UBQLN4: variants seen among roughly 807,000 people sequenced by gnomAD.
UBQLN4 encodes ubiquilin-4.
A neutral mutation model predicts 60.4 loss-of-function variants in UBQLN4; 11 were observed. The ratio of observed to expected loss-of-function variants is 0.18; its 90% CI spans 0.11 to 0.30. The LOEUF (loss-of-function observed/expected upper bound fraction) is 0.30, where lower values mean the gene tolerates loss of function less well. Among genes scored for constraint, UBQLN4 ranks in the 10% least tolerant of loss-of-function variants. The pLI is 1.00. For synonymous variants in UBQLN4, 258 were observed against 313.1 expected (o/e 0.82, Z 1.86); for missense variants, 417 against 795.5 (o/e 0.52, Z 5.72).
downstream of UBQLN4, among the ~76,000 whole-genome samples, chr1:156,032,736 C>T (rs1387164446): frequency 6.6e-6 from 1 of 152,134 alleles, no homozygotes; most frequent in Non-Finnish European, 1.5e-5. Context: ...GGCACTTCGC[C>T]TCTCCGCCAA....
chr1:156,032,383 C>T (rs995954872), downstream of UBQLN4, among the ~76,000 whole-genome samples: 3 of 151,184 alleles, frequency 2.0e-5, no homozygotes, highest in Non-Finnish European at 4.4e-5. Context: ...CGATGGCTCA[C>T]GCCTGTAATC....
rs759691191 is a variant in UBQLN4, at chr1:156,051,673, C to A, written c.260+33G>T. On this transcript the variant is annotated intron_variant, in intron 2 of 10. Transcript: ENST00000368309. The stretch of plus-strand genomic sequence containing the variant: ...AAAGTATCAGATGGGGAGGCCCAAT[C>A]AGAAGCTGGATCTGCTCTGCTCCTG... The A allele has an allele frequency of 9.1e-5, 147 of 1,610,598 alleles. 1 individual carries two copies. The Middle Eastern group carries it at 1.7e-3, about 19-fold the overall frequency.
chr1:156,041,789 G>A (rs1683573955), intron 9 of UBQLN4, 83 bp downstream of exon 9: 1 of 1,472,926 alleles, frequency 6.8e-7, no homozygotes, highest in Non-Finnish European at 9.1e-7. Context: ...GAGACACAAA[G>A]GATGCTGAGA....
chr1:156,053,496 C>G (rs914176113), intron 1 of UBQLN4, 98 bp downstream of exon 1: 93 of 955,038 alleles, frequency 9.7e-5, no homozygotes, highest in Non-Finnish European at 1.2e-4. Context: ...CCGCCCTCCT[C>G]TCCGGGGCCC....
Position 156,035,609 on chromosome 1 carries a change from G to A in UBQLN4, c.*1369C>T, listed in dbSNP as rs1006503490. The stretch of plus-strand genomic sequence containing the variant: ...CTCAAAGAAAACTTTCTGGCCTGGA[G>A]GGAAATAGTTAAGAACTGAAAGGCC... On this transcript the variant is annotated 3_prime_UTR_variant, in exon 11 of 11. Coordinates refer to ENST00000368309, the MANE Select transcript of UBQLN4 (RefSeq NM_020131.5). 1.2e-5 allele frequency: 12 copies of A among 984,262 alleles called. No individual in the cohort carries two copies. The African/African-American group carries it at 2.1e-4, about 17-fold the overall frequency. 61.0% of individuals were successfully genotyped at this position (984,262 alleles called of 1,614,324 possible).
At position 156,050,996 on chromosome 1, in the gene UBQLN4, G is replaced by A. The variant is rs1191150857; in HGVS notation, c.478+114C>T. ...GTATCAATGTCTGGAACTCTGTCATGGGGTCCCCTATCCCCATCAGACCAG... is the reference window on the plus strand; with the variant it reads ...GTATCAATGTCTGGAACTCTGTCATAGGGTCCCCTATCCCCATCAGACCAG... On this transcript the variant is annotated intron_variant, in intron 3 of 10. Coordinates refer to ENST00000368309, the MANE Select transcript of UBQLN4 (RefSeq NM_020131.5). The surrounding 1 kb of genome is among the most constrained non-coding windows in gnomAD (Gnocchi z 4.6). The A allele has an allele frequency of 1.9e-6, 2 of 1,029,734 alleles. No homozygotes were observed. The highest frequency in any genetic ancestry group is 2.9e-6 in the Non-Finnish European group (2 of 689,738). The allele number at this position is 1,029,734 out of a possible 1,614,324, so 63.8% of individuals were successfully genotyped here.
intron 10 of UBQLN4, among the ~76,000 whole-genome samples, chr1:156,040,318 C>T: frequency 6.6e-6 from 1 of 151,388 alleles, no homozygotes; most frequent in Non-Finnish European, 1.5e-5. Flanking sequence ...ATGGCTTGAA[C>T]CTGGGAGGCA....
At chr1:156,052,855 C>T (rs1349206500) in intron 1 of UBQLN4, among the ~76,000 whole-genome samples, 2 of 152,134 alleles carry the variant, frequency 1.3e-5, no homozygotes, top group Non-Finnish European at 2.9e-5. Flanking sequence ...GTTAGACTTC[C>T]CAAATTCTAC....
Position 156,050,690 on chromosome 1 carries a change from C to T in UBQLN4, c.479-137G>A. ...TCTTCCTGTCATTCCCACAGCCCGG[C>T]CCTGATCCACTGCTGGCAAAAAAAT... is the stretch of plus-strand genomic sequence containing the variant. On this transcript the variant is annotated intron_variant, in intron 3 of 10. Coordinates refer to ENST00000368309, the MANE Select transcript of UBQLN4 (RefSeq NM_020131.5). The surrounding 1 kb of genome is among the most constrained non-coding windows in gnomAD (Gnocchi z 4.6). 1 of 1,326,402 alleles carries T rather than the reference C, an allele frequency of 7.5e-7. No individual in the cohort carries two copies. The highest frequency in any genetic ancestry group is 1.0e-6 in the Non-Finnish European group (1 of 995,236). The allele number at this position is 1,326,402 out of a possible 1,614,324, so 82.2% of individuals were successfully genotyped here. A position where few individuals can be genotyped will look rare whatever the true frequency, so the allele number is the denominator to read the frequency against.
At position 156,052,274 on chromosome 1, in the gene UBQLN4, T is replaced by C. The variant is rs1307080375; in HGVS notation, c.109-417A>G. ...AACTACAACAAATAGATGCCAGTTA[T>C]TGAGCACTACCTATTCACCAGTTAA... On this transcript the variant is annotated intron_variant, in intron 1 of 10. Transcript: ENST00000368309. 2.0e-5 allele frequency among the ~76,000 whole-genome samples: 3 copies of C among 152,254 alleles called. 1 individual carries two copies. Among genetic ancestry groups the C allele is most frequent in the African/African-American group, 7.2e-5 (3 of 41,466 alleles).
chr1:156,039,376 G>A (rs370898524), intron 10 of UBQLN4, among the ~76,000 whole-genome samples: 2 of 150,858 alleles, frequency 1.3e-5, no homozygotes, highest in South Asian at 4.2e-4. Context: ...TCAACCTCTC[G>A]AGTAGCTGGG....
intron 5 of UBQLN4, among the ~76,000 whole-genome samples, chr1:156,047,274 C>T (rs895189096): frequency 7.1e-6 from 1 of 140,638 alleles, no homozygotes. Flanking sequence ...GATGGAGTCT[C>T]ACTCTGTCGC....
At position 156,044,185 on chromosome 1, in the gene UBQLN4, G is replaced by A. The variant is rs768757280; in HGVS notation, c.939C>T (p.Ser313=). ...GCAGAGGCTGGGAGGATGAGCTGTC[G>A]GAGTTCCCGGCCAGGGAAGAGAAGG... is the stretch of plus-strand genomic sequence containing the variant. The part of the protein sequence containing the change: ...NNPFSSLAGN[S]DSSSSQPLRT... The change falls in exon 6 of 11, where the codon TCC becomes TCT. Residue 313 remains serine, a synonymous_variant. Transcript: ENST00000368309. 5.1e-6 allele frequency: 8 copies of A among 1,573,468 alleles called. No individual in the cohort carries two copies. Among genetic ancestry groups the A allele is most frequent in the Middle Eastern group, 1.7e-4 (1 of 6,012 alleles).
At chr1:156,033,162 G>A, downstream of UBQLN4, 1 of 964,952 alleles carries the variant, frequency 1.0e-6, no homozygotes, top group Non-Finnish European at 1.2e-6. Flanking sequence ...GAAGTCAGTG[G>A]AGGAAAACAA....
At chr1:156,034,825 CTATATATATATATATATATATATA>C (rs34720108), downstream of UBQLN4, among the ~76,000 whole-genome samples, 67 of 46,384 alleles carry the variant, frequency 1.4e-3, 2 homozygotes, top group African/African-American at 3.2e-3. Flanking sequence ...CCTTAACCTT[CTATATATATATATATATATATATA>C]TATATATATA....
downstream of UBQLN4, among the ~76,000 whole-genome samples, chr1:156,032,342 C>T (rs932451776): frequency 1.3e-5 from 2 of 149,570 alleles, no homozygotes; most frequent in South Asian, 4.3e-4. Flanking sequence ...GCATTACAAC[C>T]CTTTGAAAAG....
chr1:156,033,296 G>A, downstream of UBQLN4: 1 of 985,440 alleles, frequency 1.0e-6, no homozygotes, highest in African/African-American at 1.7e-5. Context: ...AGCCAGAAGA[G>A]CAGAGTGTAA....
chr1:156,040,441 ATTTT>A (rs112995184), intron 10 of UBQLN4, among the ~76,000 whole-genome samples: 2 of 109,028 alleles, frequency 1.8e-5, no homozygotes, highest in Admixed American at 1.0e-4. Flanking sequence ...CAGTCCACAC[ATTTT>A]TTTTTTTTTT....
rs1558091151 is a variant in UBQLN4 at position 156,051,235 on chromosome 1, G to A, written c.353C>T (p.Pro118Leu). The change falls in exon 3 of 11, where the codon CCT becomes CTT. Residue 118 changes from proline (P) to leucine (L), a missense_variant. Coordinates refer to ENST00000368309, the MANE Select transcript of UBQLN4 (RefSeq NM_020131.5). ...PSTTPASPATPAQPSTSGSAS... is the reference protein window; with the variant it reads ...PSTTPASPATLAQPSTSGSAS... The stretch of plus-strand genomic sequence containing the variant: ...ACTGCCAGAGGTGGAGGGCTGGGCA[G>A]GGGTGGCGGGTGAAGCAGGCGTGGT... 1 of 1,602,178 alleles carries A rather than the reference G, an allele frequency of 6.2e-7. No individual in the cohort carries two copies. The highest frequency in any genetic ancestry group is 8.5e-7 in the Non-Finnish European group (1 of 1,173,996).
Sources: gnomAD v4.1 joint callset for allele counts (sites outside exome capture counted in the v4.1 genomes callset) on GRCh38, gnomAD v4.1.1 for gene constraint, Gnocchi (gnomAD v3.1) non-coding constraint, MANE v1.5 for transcripts, NCBI Gene and HGNC (gene_info 2026-07-23, HGNC 2026-07-21) for gene names.